LRMDA: variants seen among roughly 807,000 people sequenced by gnomAD.
LRMDA encodes the protein leucine-rich melanocyte differentiation-associated protein.
LRMDA carries 18 observed loss-of-function variants against 29.8 expected under a neutral mutation model. That is an observed-to-expected ratio of 0.60 (90% CI 0.42 to 0.90). The LOEUF (loss-of-function observed/expected upper bound fraction) is 0.90, where lower values mean the gene tolerates loss of function less well. LRMDA is among the 40% of genes least tolerant of loss of function. LRMDA has a pLI of 0.00. For synonymous variants in LRMDA, 125 were observed against 109.4 expected (o/e 1.14, Z -0.89); for missense variants, 273 against 273.9 (o/e 1.00, Z 0.02).
intron 2 of LRMDA, among the ~76,000 whole-genome samples, chr10:75,560,937 A>G (rs1840285875): frequency 6.6e-6 from 1 of 151,720 alleles, no homozygotes; most frequent in South Asian, 2.1e-4. Context: ...TTGGTTTGCC[A>G]GTATTTTATT....
intron 6 of LRMDA, among the ~76,000 whole-genome samples, chr10:76,394,105 A>C (rs1428827984): frequency 1.3e-5 from 2 of 152,218 alleles, no homozygotes; most frequent in Non-Finnish European, 1.5e-5. Context: ...CAGTGCAGCC[A>C]GAATGAACAA....
intron 6 of LRMDA, among the ~76,000 whole-genome samples, chr10:76,550,185 GATTAAGGA>G (rs1843476767): frequency 6.6e-6 from 1 of 152,198 alleles, no homozygotes; most frequent in Non-Finnish European, 1.5e-5. Context: ...TTTAAAAATT[GATTAAGGA>G]ATTAAATTGG....
chr10:75,917,853 G>A (rs1009357020), intron 2 of LRMDA, among the ~76,000 whole-genome samples: 2 of 152,108 alleles, frequency 1.3e-5, no homozygotes, highest in Non-Finnish European at 2.9e-5. Flanking sequence ...ATAATGGTAC[G>A]TACCCCGCCT....
chr10:75,839,579 A>T (rs981766719), intron 2 of LRMDA, among the ~76,000 whole-genome samples: 12 of 150,328 alleles, frequency 8.0e-5, no homozygotes, highest in Non-Finnish European at 1.6e-4. Context: ...CAGTAGCTCT[A>T]ACTGCCTCAT....
At chr10:75,692,515 G>A (rs1053743109) in intron 2 of LRMDA, among the ~76,000 whole-genome samples, 1 of 149,814 alleles carries the variant, frequency 6.7e-6, no homozygotes, top group Non-Finnish European at 1.5e-5. Flanking sequence ...ATACATGTGT[G>A]TATACACATA....
chr10:75,867,705 T>A (rs2132328534), intron 2 of LRMDA, among the ~76,000 whole-genome samples: 1 of 152,340 alleles, frequency 6.6e-6, no homozygotes, highest in South Asian at 2.1e-4. Context: ...ATCTGGGGAC[T>A]CAGGATTTAG....
intron 2 of LRMDA, among the ~76,000 whole-genome samples, chr10:75,648,717 T>A (rs1351735523): frequency 1.3e-5 from 2 of 152,146 alleles, no homozygotes; most frequent in Non-Finnish European, 1.5e-5. Flanking sequence ...AAGTTTCACT[T>A]TTCTAAGTTG....
At chr10:75,979,551 AGGATAG>A (rs1847129918) in intron 2 of LRMDA, among the ~76,000 whole-genome samples, 1 of 152,198 alleles carries the variant, frequency 6.6e-6, no homozygotes, top group Admixed American at 6.5e-5. Context: ...AACTTAGTCT[AGGATAG>A]GGTTAAGTAA....
At chr10:75,799,884 GT>G (rs571485876) in intron 2 of LRMDA, among the ~76,000 whole-genome samples, 237 of 151,998 alleles carry the variant, frequency 1.6e-3, no homozygotes, top group Non-Finnish European at 2.7e-3. Flanking sequence ...TTCAAATACT[GT>G]TTTTGCCTTA....
chr10:76,277,675 C>G (rs1297545976), intron 5 of LRMDA, among the ~76,000 whole-genome samples: 1 of 152,142 alleles, frequency 6.6e-6, no homozygotes, highest in Non-Finnish European at 1.5e-5. Flanking sequence ...CTGAAATATA[C>G]AGTGTGAATG....
chr10:75,795,460 T>C (rs1843637232), intron 2 of LRMDA, among the ~76,000 whole-genome samples: 4 of 152,128 alleles, frequency 2.6e-5, no homozygotes. Context: ...TGTGTATATC[T>C]AGTTGTTTCA....
At chr10:75,886,783 T>C (rs1311660212) in intron 2 of LRMDA, among the ~76,000 whole-genome samples, 1 of 152,210 alleles carries the variant, frequency 6.6e-6, no homozygotes, top group Non-Finnish European at 1.5e-5. Context: ...CTAGCTATCC[T>C]CTGCTCCAGC....
At chr10:75,959,511 GTGCA>G (rs928760301) in intron 2 of LRMDA, among the ~76,000 whole-genome samples, 6 of 78,228 alleles carry the variant, frequency 7.7e-5, no homozygotes, top group East Asian at 5.0e-4. Context: ...GTGCGCGCAC[GTGCA>G]TGCACACACA....
chr10:75,836,459 G>A (rs1844438806), intron 2 of LRMDA, among the ~76,000 whole-genome samples: 1 of 152,186 alleles, frequency 6.6e-6, no homozygotes, highest in Admixed American at 6.5e-5. Context: ...TACCACTGGG[G>A]ACTCATATAC....
chr10:76,204,342 A>G (rs1354940967), intron 5 of LRMDA, among the ~76,000 whole-genome samples: 6 of 140,950 alleles, frequency 4.3e-5, no homozygotes, highest in East Asian at 2.2e-4. Context: ...CCATGTGCCC[A>G]TCCACCCATC....
chr10:76,303,800 G>C (rs1396205284), intron 5 of LRMDA, among the ~76,000 whole-genome samples: 1 of 151,210 alleles, frequency 6.6e-6, no homozygotes, highest in Non-Finnish European at 1.5e-5. Flanking sequence ...GCAGTGAGCA[G>C]TGACAAGCAG....
chr10:76,544,710 GCACA>G (rs71028204), intron 6 of LRMDA, among the ~76,000 whole-genome samples: 45,676 of 144,934 alleles, frequency 0.32, 7,439 homozygotes, highest in Non-Finnish European at 0.37. Context: ...ATATATACAT[GCACA>G]CACACACACA....
At chr10:76,082,643 A>G (rs890701653) in intron 5 of LRMDA, among the ~76,000 whole-genome samples, 1 of 152,134 alleles carries the variant, frequency 6.6e-6, no homozygotes, top group African/African-American at 2.4e-5. Flanking sequence ...ATAAGAATAA[A>G]TGATCACCTT....
At chr10:75,505,779 A>G (rs1482519812) in intron 2 of LRMDA, among the ~76,000 whole-genome samples, 1 of 152,116 alleles carries the variant, frequency 6.6e-6, no homozygotes, top group Non-Finnish European at 1.5e-5. Flanking sequence ...GTGAATTTTT[A>G]ACACTTATTG....
Sources: gnomAD v4.1 joint callset for allele counts (sites outside exome capture counted in the v4.1 genomes callset) on GRCh38, gnomAD v4.1.1 for gene constraint, MANE v1.5 for transcripts, NCBI Gene and HGNC (gene_info 2026-07-23, HGNC 2026-07-21) for gene names.